BAIAP2: variants seen among roughly 807,000 people sequenced by gnomAD.
BAIAP2 encodes BAR/IMD domain containing adaptor protein 2, also known as BAR/IMD domain-containing adapter protein 2.
A neutral mutation model predicts 63.0 loss-of-function variants in BAIAP2; 18 were observed. The observed-to-expected ratio is 0.29, with a 90% confidence interval of 0.20 to 0.42. BAIAP2 has a LOEUF of 0.42. BAIAP2 is among the 10% of genes least tolerant of loss of function. The probability of loss-of-function intolerance (pLI) is 1.00; values close to 1 mark genes in which losing one functional copy is unlikely to be tolerated. For synonymous variants in BAIAP2, 386 were observed against 307.6 expected, an observed-to-expected ratio of 1.25 and a Z score of -2.67; for missense variants, 610 against 734.3, an observed-to-expected ratio of 0.83 and a Z score of 1.96.
In BAIAP2 at chr17:81,041,141, C is replaced by G. The variant is rs533971502; in HGVS notation, c.54+5833C>G. On this transcript the variant is annotated intron_variant, in intron 1 of 13. Transcript: ENST00000428708. ...CTGCTGGCTCTTGGTTTGGTCACCC[C>G]TGAGCTTTGGAAAATGCTGCCTGGT... Among the ~76,000 whole-genome samples, 5 of 152,372 alleles carry G rather than the reference C, an allele frequency of 3.3e-5. No individual in the cohort carries two copies. In the South Asian group the frequency reaches 8.3e-4, roughly 25 times the overall value.
At chr17:81,098,106 G>C (rs746936928) in intron 6 of BAIAP2, 2 of 1,384,328 alleles carry the variant, frequency 1.4e-6, no homozygotes, top group South Asian at 3.3e-5. Context: ...GGCCAGCGGG[G>C]GGTGGGGAGG....
Position 81,046,656 on chromosome 17 carries a change from C to T in BAIAP2, c.55-7012C>T, listed in dbSNP as rs1314155224. ...CAGCCAAGGGAACTGAGCCTGTGGC[C>T]CCCGGACAGCAAGCTCTGAGGTGTC... On this transcript the variant is annotated intron_variant, in intron 1 of 13. Transcript: ENST00000428708. The surrounding 1 kb of genome is among the most constrained non-coding windows in gnomAD (Gnocchi z 4.5). 1.3e-5 allele frequency among the ~76,000 whole-genome samples: 2 copies of T among 152,160 alleles called. No homozygotes were observed. Among genetic ancestry groups the T allele is most frequent in the Non-Finnish European group, 2.9e-5 (2 of 68,012 alleles).
At chr17:81,053,400 T>G in intron 1 of BAIAP2, 1 of 500,120 alleles carries the variant, frequency 2.0e-6, no homozygotes, top group Non-Finnish European at 3.6e-6. Context: ...AATGCGCTCC[T>G]TCAGCCCGCA....
chr17:81,098,076 G>A, intron 6 of BAIAP2: 2 of 1,301,440 alleles, frequency 1.5e-6, no homozygotes, highest in South Asian at 2.1e-5. Flanking sequence ...TGATCCCCAG[G>A]CCAGCTGGGG....
At chr17:81,096,752 C>T (rs902911884) in intron 6 of BAIAP2, among the ~76,000 whole-genome samples, 8 of 152,260 alleles carry the variant, frequency 5.3e-5, no homozygotes, top group Admixed American at 3.9e-4. Flanking sequence ...GTCCTGGCCA[C>T]GGCCATCATG....
rs1391580828 is a variant in BAIAP2 at position 81,104,613 on chromosome 17, A to C, written c.1166A>C (p.Asp389Ala). 3 of 1,612,070 alleles carry C rather than the reference A, an allele frequency of 1.9e-6. No individual in the cohort carries two copies. Among genetic ancestry groups the C allele is most frequent in the Non-Finnish European group, 2.5e-6 (3 of 1,179,762 alleles). The change falls in exon 10 of 14, where the codon GAC (aspartate) becomes GCC (alanine). Residue 389 changes from aspartate to alanine, a missense_variant. Physicochemically the swap from Asp to Ala is moderately radical, Grantham distance 126 (BLOSUM62 -2). This residue lies in a region of BAIAP2 where 67 missense variants were observed against 132.0 expected (regional missense o/e 0.51). Coordinates refer to ENST00000428708, the MANE Select transcript of BAIAP2 (RefSeq NM_001144888.2). ...GCCATCTTCTCCCACGCTGCTGGGG[A>C]CAACAGCACCCTCCTGAGCTTCAAG... The part of the protein sequence containing the change: ...VKAIFSHAAG[D>A]NSTLLSFKEG...
intron 6 of BAIAP2, among the ~76,000 whole-genome samples, chr17:81,091,622 G>A (rs914015137): frequency 3.9e-5 from 6 of 152,224 alleles, no homozygotes; most frequent in East Asian, 1.9e-4. Context: ...CCCACACGTC[G>A]TTGGAGTGCA....
rs894013747 is a variant in BAIAP2 at position 81,095,388 on chromosome 17, C to T, written c.490-4540C>T. On this transcript the variant is annotated intron_variant, in intron 6 of 13. Coordinates refer to ENST00000428708, the MANE Select transcript of BAIAP2 (RefSeq NM_001144888.2). ...GTTGGCCGGGCCCTGCAGTGCTGGCCGCCACCTCCTCTCCTCCCCGTCCCC... is the reference window on the plus strand; with the variant it reads ...GTTGGCCGGGCCCTGCAGTGCTGGCTGCCACCTCCTCTCCTCCCCGTCCCC... 5.9e-5 allele frequency among the ~76,000 whole-genome samples: 9 copies of T among 152,264 alleles called. No homozygotes were observed. In the East Asian group the frequency reaches 1.4e-3, roughly 23 times the overall value.
Position 81,108,213 on chromosome 17 carries a change from T to C in BAIAP2, c.1501-262T>C, listed in dbSNP as rs976369893. 23 of 576,228 alleles carry C rather than the reference T, an allele frequency of 4.0e-5. No homozygotes were observed. The East Asian group carries it at 6.4e-4, about 16-fold the overall frequency. 35.7% of individuals were successfully genotyped at this position (576,228 alleles called of 1,614,324 possible). A position where few individuals can be genotyped will look rare whatever the true frequency, so the allele number is the denominator to read the frequency against. On this transcript the variant is annotated intron_variant, in intron 12 of 13. Transcript: ENST00000428708. ...GGCCAGTCTTGCATCTGTTTGGGAG[T>C]GTGCAACAAGCACACAAATTGAGGT...
chr17:81,097,787 G>A (rs2057881613), intron 6 of BAIAP2: 1 of 243,520 alleles, frequency 4.1e-6, no homozygotes, highest in Admixed American at 5.6e-5. Context: ...GAAGCAGCTA[G>A]CCTCCTGCGG....
intron 1 of BAIAP2, chr17:81,053,346 G>A (rs550923636): frequency 7.4e-5 from 22 of 298,542 alleles, no homozygotes; most frequent in African/African-American, 1.5e-4. Flanking sequence ...CCTCGGCAGC[G>A]GCGCGTCTGA....
chr17:81,079,350 A>G (rs1013909211), intron 3 of BAIAP2, among the ~76,000 whole-genome samples: 1 of 152,164 alleles, frequency 6.6e-6, no homozygotes, highest in South Asian at 2.1e-4. Context: ...AGGTGGAGGT[A>G]GAGCTGGTGG....
chr17:81,108,635 C>A, intron 13 of BAIAP2, 126 bp downstream of exon 13: 1 of 1,260,406 alleles, frequency 7.9e-7, no homozygotes, highest in Non-Finnish European at 1.1e-6. Flanking sequence ...GCCCTTCACC[C>A]CTGTCAGAGC....
At chr17:81,102,049 T>C (rs1290445627) in intron 7 of BAIAP2, among the ~76,000 whole-genome samples, 2 of 151,996 alleles carry the variant, frequency 1.3e-5, no homozygotes, top group African/African-American at 4.8e-5. Flanking sequence ...TTGCCGCAGG[T>C]CTCCCAGGAG....
intron 1 of BAIAP2, among the ~76,000 whole-genome samples, chr17:81,045,895 C>T (rs1221638372): frequency 2.0e-5 from 3 of 152,144 alleles, no homozygotes; most frequent in Non-Finnish European, 4.4e-5. Flanking sequence ...GGTGGGGGAC[C>T]AGCCCCCTCT....
chr17:81,055,574 G>GTTTTTTGTTTTTTTTTTTT (rs370775327), intron 2 of BAIAP2, among the ~76,000 whole-genome samples: 4 of 123,406 alleles, frequency 3.2e-5, no homozygotes, highest in African/African-American at 1.1e-4. Flanking sequence ...AGGGTGTTTT[G>GTTTTTTGTTTTTTTTTTTT]TTTTTTTTTG....
At chr17:81,107,678 C>G (rs2059347305) in intron 12 of BAIAP2, 1 of 152,370 alleles carries the variant, frequency 6.6e-6, no homozygotes, top group South Asian at 2.1e-4. Context: ...GTCTCCAGGG[C>G]TGGGCCTCAG....
At chr17:81,112,117 TTCC>T (rs2059993748) in intron 13 of BAIAP2, among the ~76,000 whole-genome samples, 1 of 152,234 alleles carries the variant, frequency 6.6e-6, no homozygotes, top group Non-Finnish European at 1.5e-5. Flanking sequence ...CGCCTCCATC[TTCC>T]TCCCTTCCGA....
intron 3 of BAIAP2, among the ~76,000 whole-genome samples, chr17:81,076,831 C>T (rs1161880294): frequency 6.6e-6 from 1 of 152,124 alleles, no homozygotes; most frequent in Non-Finnish European, 1.5e-5. Context: ...ATGATCTGGG[C>T]ATGGTGGCAC....
Sources: allele counts gnomAD v4.1 joint callset (sites outside exome capture counted in the v4.1 genomes callset), GRCh38; gene constraint gnomAD v4.1.1; regional missense constraint gnomAD v4.1.1; non-coding constraint Gnocchi (gnomAD v3.1); transcripts MANE v1.5; gene names NCBI Gene and HGNC (gene_info 2026-07-23, HGNC 2026-07-21).